The following PHIP variants were observed in gnomAD, a reference collection of about 807,000 sequenced individuals.
PHIP encodes PH-interacting protein.
In PHIP, 54 loss-of-function variants were observed where a neutral mutation model predicts 236.8. The ratio of observed to expected loss-of-function variants is 0.23; its 90% CI spans 0.18 to 0.29. The LOEUF is 0.29. PHIP is among the 10% of genes least tolerant of loss of function. The probability of loss-of-function intolerance (pLI) is 1.00; values close to 1 mark genes in which losing one functional copy is unlikely to be tolerated. For synonymous variants in PHIP, 756 were observed against 718.9 expected, an observed-to-expected ratio of 1.05 and a Z score of -0.83; for missense variants, 1,370 against 2,190.8, an observed-to-expected ratio of 0.63 and a Z score of 7.48.
chr6:78,947,928 A>T (rs1366752449), intron 35 of PHIP, among the ~76,000 whole-genome samples, 153 bp from the exon 36 acceptor site: 1 of 149,148 alleles, frequency 6.7e-6, no homozygotes, highest in East Asian at 2.1e-4. Flanking sequence ...CCTTTTTTCT[A>T]ATAATTCTTA....
At chr6:79,016,173 C>A (rs1310362466) in intron 13 of PHIP, among the ~76,000 whole-genome samples, 1 of 151,910 alleles carries the variant, frequency 6.6e-6, no homozygotes, top group East Asian at 1.9e-4. Context: ...AATATTAAAA[C>A]CAAAATAACA....
chr6:78,994,643 CCA>C, intron 19 of PHIP, among the ~76,000 whole-genome samples: 1 of 152,152 alleles, frequency 6.6e-6, no homozygotes, highest in Non-Finnish European at 1.5e-5. Context: ...AGGACTGACC[CCA>C]GTTTTGAAAT....
intron 33 of PHIP, 121 bp downstream of exon 33, chr6:78,955,492 T>A (rs573366600): frequency 8.0e-5 from 44 of 549,242 alleles, no homozygotes; most frequent in Middle Eastern, 4.5e-4. Context: ...TTTTTTTTTT[T>A]TAAATTAACT....
Position 79,014,709 on chromosome 6 carries a change from A to G in PHIP, c.1524+373T>C, listed in dbSNP as rs538254644. Among the ~76,000 whole-genome samples, 97 of 151,872 alleles carry G rather than the reference A, an allele frequency of 6.4e-4. 1 individual carries two copies. The South Asian group carries it at 8.1e-3, about 13-fold the overall frequency. ...AATCAGTGTACTTGAGTAAAATTCT[A>G]TTGTGCTAGAAGACTATTAAACAAG... On this transcript the variant is annotated intron_variant, in intron 15 of 39. Transcript: ENST00000275034.
intron 33 of PHIP, 132 bp downstream of exon 33, chr6:78,955,481 G>T (rs1462301686): frequency 8.2e-5 from 37 of 453,758 alleles, no homozygotes; most frequent in African/African-American, 3.9e-4. Context: ...ACTGCCAGTT[G>T]TTTTTTTTTT....
At chr6:79,046,369 C>T (rs898443082) in intron 6 of PHIP, among the ~76,000 whole-genome samples, 1 of 152,200 alleles carries the variant, frequency 6.6e-6, no homozygotes, top group Admixed American at 6.5e-5. Flanking sequence ...TCACCCATAA[C>T]TTCTGATCCC....
chr6:79,012,535 C>T (rs1770639613), intron 15 of PHIP, among the ~76,000 whole-genome samples: 1 of 151,682 alleles, frequency 6.6e-6, no homozygotes, highest in Admixed American at 6.6e-5. Context: ...TCACATGGTG[C>T]TCAAAAAATA....
At chr6:78,989,791 C>A (rs894337560) in intron 20 of PHIP, among the ~76,000 whole-genome samples, 10 of 152,152 alleles carry the variant, frequency 6.6e-5, no homozygotes, top group Non-Finnish European at 1.3e-4. Flanking sequence ...TACAAACTCT[C>A]ATCATCATTA....
intron 15 of PHIP, among the ~76,000 whole-genome samples, chr6:79,010,669 T>C (rs1413419683): frequency 6.6e-6 from 1 of 151,708 alleles, no homozygotes; most frequent in African/African-American, 2.4e-5. Flanking sequence ...GCTAGGGCTA[T>C]AGAGAAAAGA....
chr6:79,075,695 G>C (rs149857348), intron 4 of PHIP, among the ~76,000 whole-genome samples: 152 of 150,040 alleles, frequency 1.0e-3, no homozygotes, highest in African/African-American at 3.6e-3. Context: ...CCATAATTTA[G>C]CCAGATAACA....
intron 17 of PHIP, among the ~76,000 whole-genome samples, chr6:78,998,906 G>C (rs777188754): frequency 2.7e-4 from 41 of 152,162 alleles, no homozygotes; most frequent in African/African-American, 9.4e-4. Context: ...GTAAATAAGG[G>C]ACATGAAGAT....
chr6:79,021,485 C>A (rs1771114025), intron 9 of PHIP, among the ~76,000 whole-genome samples: 1 of 152,180 alleles, frequency 6.6e-6, no homozygotes, highest in African/African-American at 2.4e-5. Flanking sequence ...CAGTGTCCAA[C>A]AACAGATGAA....
intron 27 of PHIP, among the ~76,000 whole-genome samples, chr6:78,969,353 C>T (rs377242063): frequency 8.5e-5 from 13 of 152,234 alleles, no homozygotes; most frequent in African/African-American, 3.1e-4. Context: ...TCATAAGTGG[C>T]ACATCATCTA....
At chr6:78,960,212 T>C (rs146564870) in intron 31 of PHIP, among the ~76,000 whole-genome samples, 202 of 152,338 alleles carry the variant, frequency 1.3e-3, no homozygotes, top group African/African-American at 4.7e-3. Flanking sequence ...TCAAACCTTA[T>C]GTATAGTATA....
At chr6:79,050,059 A>T (rs1352065603) in intron 6 of PHIP, among the ~76,000 whole-genome samples, 2 of 151,982 alleles carry the variant, frequency 1.3e-5, no homozygotes, top group Non-Finnish European at 2.9e-5. Flanking sequence ...GCTATAAAGG[A>T]AGAGGAAAGC....
chr6:79,037,619 G>A (rs1772005045), intron 7 of PHIP, among the ~76,000 whole-genome samples: 1 of 152,086 alleles, frequency 6.6e-6, no homozygotes, highest in South Asian at 2.1e-4. Flanking sequence ...GGGATCCCAG[G>A]CAAAGTCCTA....
chr6:78,990,575 A>G (rs1769172481), intron 20 of PHIP, among the ~76,000 whole-genome samples: 2 of 152,224 alleles, frequency 1.3e-5, no homozygotes, highest in African/African-American at 4.8e-5. Flanking sequence ...CAAAGATGGC[A>G]CACAAGATTA....
At chr6:79,021,452 T>C (rs1214605611) in intron 9 of PHIP, among the ~76,000 whole-genome samples, 1 of 152,156 alleles carries the variant, frequency 6.6e-6, no homozygotes, top group Admixed American at 6.5e-5. Context: ...CCCGCCACAA[T>C]AGTGAAGATT....
chr6:78,991,967 T>C (rs1479790353), intron 19 of PHIP, among the ~76,000 whole-genome samples: 1 of 150,012 alleles, frequency 6.7e-6, no homozygotes, highest in Non-Finnish European at 1.5e-5. Flanking sequence ...ATAGTAACTT[T>C]TTTTTTTTTT....
Sources: allele counts gnomAD v4.1 joint callset (sites outside exome capture counted in the v4.1 genomes callset), GRCh38; gene constraint gnomAD v4.1.1; transcripts MANE v1.5; gene names NCBI Gene and HGNC (gene_info 2026-07-23, HGNC 2026-07-21).